Variants in BIN1 observed in about 807,000 individuals in gnomAD.
BIN1 encodes bridging integrator 1.
Under a neutral mutation model 82.0 loss-of-function variants are expected in BIN1, and 53 were observed. That is an observed-to-expected ratio of 0.65 (90% CI 0.52 to 0.81). The LOEUF (loss-of-function observed/expected upper bound fraction) is 0.81. BIN1 is among the 40% of genes least tolerant of loss of function. The pLI, the probability that BIN1 is intolerant of heterozygous loss-of-function variation, is 0.00. For missense variants in BIN1, 642 were observed against 784.4 expected (o/e 0.82, Z 2.17); for synonymous variants, 302 against 328.0 (o/e 0.92, Z 0.86).
intron 9 of BIN1, 149 bp downstream of exon 9, chr2:127,063,422 T>G: frequency 1.2e-6 from 1 of 856,126 alleles, no homozygotes; most frequent in Non-Finnish European, 1.8e-6. Flanking sequence ...AAGGGGGCTG[T>G]TCCACAGGGC....
intron 5 of BIN1, 91 bp from the exon 6 acceptor site, chr2:127,069,122 GCAGGAGACCCCAGCTC>G (rs1685530425): frequency 1.6e-6 from 2 of 1,234,186 alleles, no homozygotes; most frequent in South Asian, 2.5e-5. Flanking sequence ...CGCAGGGCGG[GCAGGAGACCCCAGCTC>G]CACAGGAACC....
chr2:127,058,883 G>A (rs1684060321), intron 11 of BIN1, 128 bp downstream of exon 11: 2 of 1,402,348 alleles, frequency 1.4e-6, no homozygotes, highest in Non-Finnish European at 1.9e-6. Flanking sequence ...CCCCCACTGG[G>A]CAAAGCATCG....
intron 2 of BIN1, among the ~76,000 whole-genome samples, chr2:127,071,304 G>A (rs543041529): frequency 3.2e-4 from 49 of 152,254 alleles, no homozygotes; most frequent in Admixed American, 2.7e-3. Context: ...CCACTGCCTC[G>A]TACTAGGAAA....
chr2:127,051,696 C>T (rs1159681101), intron 15 of BIN1, among the ~76,000 whole-genome samples: 5 of 152,194 alleles, frequency 3.3e-5, no homozygotes, highest in African/African-American at 4.8e-5. Context: ...CACAACCCAG[C>T]GCAGGTGGTG....
Position 127,069,010 on chromosome 2 carries a change from GC to G in BIN1, c.432del (p.Arg145AlafsTer51), listed in dbSNP as rs1685516331. The part of the protein sequence containing the change: ...PDIKSRIAKR[G>X]RKLVDYDSAR... ...GCACTGTCGTAGTCCACCAGCTTGC[GC>G]CCCCGCTTGGCAATGCGTGACTGGG... On this transcript the variant is annotated frameshift_variant, in exon 6 of 19. Transcript: ENST00000316724. LOFTEE classifies it high-confidence loss of function. The G allele has an allele frequency of 6.2e-7, 1 of 1,613,958 alleles. No homozygotes were observed. The highest frequency in any genetic ancestry group is 1.3e-5 in the African/African-American group (1 of 74,934).
At chr2:127,072,219 G>A (rs1464040148) in intron 2 of BIN1, among the ~76,000 whole-genome samples, 4 of 152,198 alleles carry the variant, frequency 2.6e-5, no homozygotes, top group African/African-American at 4.8e-5. Context: ...GCAGGGACCC[G>A]GCCACATCCA....
At chr2:127,077,981 G>A (rs1686828421) in intron 1 of BIN1, among the ~76,000 whole-genome samples, 1 of 152,256 alleles carries the variant, frequency 6.6e-6, no homozygotes, top group African/African-American at 2.4e-5. Flanking sequence ...CAAAGGGCCA[G>A]CCCAGCATCT....
rs138561672 is a variant in BIN1 at position 127,074,725 on chromosome 2, C to T, written c.165+1901G>A. 2.0e-5 allele frequency among the ~76,000 whole-genome samples: 3 copies of T among 150,786 alleles called. No individual in the cohort carries two copies. In the East Asian group the frequency reaches 5.8e-4, roughly 29 times the overall value. On this transcript the variant is annotated intron_variant, in intron 2 of 18. Coordinates refer to ENST00000316724, the MANE Select transcript of BIN1 (RefSeq NM_139343.3). Reference sequence around the variant, plus strand: ...TTTGTTTGTTTGTTTGTTTTGAGACCGGAGTCTTGCTCTGTAGCCCAGGCT... The same window carrying T: ...TTTGTTTGTTTGTTTGTTTTGAGACTGGAGTCTTGCTCTGTAGCCCAGGCT...
rs1455287467 is a variant in BIN1 at position 127,090,125 on chromosome 2, GC to G, written c.85-13420del. 1.3e-5 allele frequency among the ~76,000 whole-genome samples: 2 copies of G among 151,974 alleles called. No homozygotes were observed. The highest frequency in any genetic ancestry group is 4.8e-5 in the African/African-American group (2 of 41,354). The stretch of plus-strand genomic sequence containing the variant: ...CACCCCCCTTCCTCTCTCCAATCAA[GC>G]TCCCCTCTGCAGCCTCCTTGCCTGC... On this transcript the variant is annotated intron_variant, in intron 1 of 18. Coordinates refer to ENST00000316724, the MANE Select transcript of BIN1 (RefSeq NM_139343.3). The surrounding 1 kb of genome is among the most constrained non-coding windows in gnomAD (Gnocchi z 6.4).
chr2:127,050,948 G>A (rs1167428893), intron 16 of BIN1, 36 bp from the exon 17 acceptor site: 3 of 1,601,648 alleles, frequency 1.9e-6, no homozygotes, highest in African/African-American at 1.3e-5. Flanking sequence ...GAGCAGGGAG[G>A]TGGTCCAGGG....
chr2:127,059,294 A>T lies in BIN1; in HGVS notation c.858-139T>A. 4 of 322,186 alleles carry T rather than the reference A, an allele frequency of 1.2e-5. No individual in the cohort carries two copies. The highest frequency in any genetic ancestry group is 9.9e-6 in the Non-Finnish European group (2 of 201,112). 20.0% of individuals were successfully genotyped at this position (322,186 alleles called of 1,614,324 possible). A position where few individuals can be genotyped will look rare whatever the true frequency, so the allele number is the denominator to read the frequency against. On this transcript the variant is annotated intron_variant, in intron 10 of 18. Transcript: ENST00000316724. The surrounding 1 kb of genome is among the most constrained non-coding windows in gnomAD (Gnocchi z 6.7). ...ACTGTGTGTGTGTGTGTGTGTGTGT[A>T]TGTGAGAGAGAGCAGGAGGGTGGGG... is the stretch of plus-strand genomic sequence containing the variant.
intron 1 of BIN1, among the ~76,000 whole-genome samples, chr2:127,078,575 C>T (rs891656053): frequency 2.6e-5 from 4 of 152,108 alleles, no homozygotes; most frequent in African/African-American, 9.7e-5. Context: ...AGGCAGCCAC[C>T]GATGATGTTG....
chr2:127,077,747 A>T (rs746813889), intron 1 of BIN1, among the ~76,000 whole-genome samples: 5 of 152,130 alleles, frequency 3.3e-5, no homozygotes, highest in Non-Finnish European at 7.3e-5. Flanking sequence ...GGTTTGCAGG[A>T]GAGCAGAGGG....
Position 127,093,249 on chromosome 2 carries a change from G to A in BIN1, c.84+13611C>T, listed in dbSNP as rs1174301536. ...ACTGCAGACTCTGAACAAAGGGCAT[G>A]TGAAAGGCCTCAGAGGTAAGCTCTC... On this transcript the variant is annotated intron_variant, in intron 1 of 18. Transcript: ENST00000316724. This position sits in a 1 kb window ranked among gnomAD's most constrained non-coding sequence, Gnocchi z 5.7. Among the ~76,000 whole-genome samples, 2 of 152,230 alleles carry A rather than the reference G, an allele frequency of 1.3e-5. No homozygotes were observed. The highest frequency in any genetic ancestry group is 2.9e-5 in the Non-Finnish European group (2 of 68,034).
At chr2:127,066,645 A>C (rs1366484116) in intron 7 of BIN1, among the ~76,000 whole-genome samples, 1 of 152,090 alleles carries the variant, frequency 6.6e-6, no homozygotes, top group Non-Finnish European at 1.5e-5. Flanking sequence ...GGCCTACTGA[A>C]GTCCCCCTAG....
chr2:127,069,741 C>T (rs1347965407), intron 5 of BIN1, among the ~76,000 whole-genome samples: 1 of 151,584 alleles, frequency 6.6e-6, no homozygotes, highest in Non-Finnish European at 1.5e-5. Flanking sequence ...AACACACACA[C>T]ACACACACAC....
chr2:127,059,762 C>A lies in BIN1; in HGVS notation c.858-607G>T, dbSNP rs558174760. Among the ~76,000 whole-genome samples, 1 of 152,196 alleles carries A rather than the reference C, an allele frequency of 6.6e-6. No homozygotes were observed. Among genetic ancestry groups the A allele is most frequent in the Admixed American group, 6.5e-5 (1 of 15,284 alleles). ...TCATCACAGAGGAGTGGGCAGCTGGCGATGGAGGGGACAGGTCCTGAGCCA... is the reference window on the plus strand; with the variant it reads ...TCATCACAGAGGAGTGGGCAGCTGGAGATGGAGGGGACAGGTCCTGAGCCA... On this transcript the variant is annotated intron_variant, in intron 10 of 18. Coordinates refer to ENST00000316724, the MANE Select transcript of BIN1 (RefSeq NM_139343.3). This position sits in a 1 kb window ranked among gnomAD's most constrained non-coding sequence, Gnocchi z 6.7.
chr2:127,048,417 C>T lies in BIN1; in HGVS notation c.*109G>A. On this transcript the variant is annotated 3_prime_UTR_variant, in exon 19 of 19. Coordinates refer to ENST00000316724, the MANE Select transcript of BIN1 (RefSeq NM_139343.3). ...CTGCCTGGGGGTCTCCTCTTGATTTCCCTTTGCTCTTCAAAAGATGAAAAA... is the reference window on the plus strand; with the variant it reads ...CTGCCTGGGGGTCTCCTCTTGATTTTCCTTTGCTCTTCAAAAGATGAAAAA... 1 of 1,095,022 alleles carries T rather than the reference C, an allele frequency of 9.1e-7. No individual in the cohort carries two copies. The highest frequency in any genetic ancestry group is 1.4e-6 in the Non-Finnish European group (1 of 728,948). 67.8% of individuals were successfully genotyped at this position (1,095,022 alleles called of 1,614,324 possible). A position where few individuals can be genotyped will look rare whatever the true frequency, so the allele number is the denominator to read the frequency against.
At chr2:127,100,243 T>C (rs1306635275) in intron 1 of BIN1, among the ~76,000 whole-genome samples, 3 of 152,168 alleles carry the variant, frequency 2.0e-5, no homozygotes, top group African/African-American at 4.8e-5. Flanking sequence ...ACCCCAGGTG[T>C]TCCCATCACC....
Sources: gnomAD v4.1 joint callset for allele counts (sites outside exome capture counted in the v4.1 genomes callset) on GRCh38, gnomAD v4.1.1 for gene constraint, Gnocchi (gnomAD v3.1) non-coding constraint, MANE v1.5 for transcripts, NCBI Gene and HGNC (gene_info 2026-07-23, HGNC 2026-07-21) for gene names.